Variants in AFF2 observed in about 807,000 individuals in gnomAD.
The protein encoded by AFF2 is AF4/FMR2 family member 2.
Under a neutral mutation model 76.9 loss-of-function variants are expected in AFF2, and 14 were observed. The observed-to-expected ratio is 0.18, with a 90% CI of 0.12 to 0.28. The LOEUF (loss-of-function observed/expected upper bound fraction) is 0.28. Among genes scored for constraint, AFF2 ranks in the 10% least tolerant of loss-of-function variants. AFF2 has a pLI of 1.00. For synonymous variants in AFF2, 398 were observed against 366.7 expected, an observed-to-expected ratio of 1.09 and a Z score of -0.98; for missense variants, 868 against 1,001.1, an observed-to-expected ratio of 0.87 and a Z score of 1.79.
intron 7 of AFF2, among the ~76,000 whole-genome samples, chrX:148,857,395 G>A (rs2070798439): frequency 1.8e-5 from 2 of 111,833 alleles, no homozygotes; most frequent in African/African-American, 6.5e-5. Context: ...ATTTAACTAA[G>A]TGGTATATTA....
At chrX:148,560,961 C>T (rs1315530794) in intron 1 of AFF2, among the ~76,000 whole-genome samples, 1 of 111,490 alleles carries the variant, frequency 9.0e-6, no homozygotes, top group Non-Finnish European at 1.9e-5. Context: ...GGTCATCCAT[C>T]AATACTTTCT....
At position 148,792,885 on chromosome X, in the gene AFF2, A is replaced by G. The variant is rs143948394; in HGVS notation, c.1042-16991A>G. Among the ~76,000 whole-genome samples the G allele has an allele frequency of 6.2e-3, 693 of 112,236 alleles. 4 individuals are homozygous for G. The highest frequency in any genetic ancestry group is 0.01 in the Non-Finnish European group (544 of 53,243). ...GACAGGAAATTTCCTACACTTTCAG[A>G]AACACAGCTCACAGACAACCTTAGG... On this transcript the variant is annotated intron_variant, in intron 3 of 20. Coordinates refer to ENST00000370460, the MANE Select transcript of AFF2 (RefSeq NM_002025.4).
At chrX:148,764,759 A>G (rs1557267570) in intron 3 of AFF2, among the ~76,000 whole-genome samples, 1 of 112,492 alleles carries the variant, frequency 8.9e-6, no homozygotes, top group Non-Finnish European at 1.9e-5. Context: ...AGATGTCTAA[A>G]GACTCTGTGA....
At chrX:148,704,952 C>G (rs1212188168) in intron 3 of AFF2, among the ~76,000 whole-genome samples, 6 of 111,107 alleles carry the variant, frequency 5.4e-5, no homozygotes, top group Non-Finnish European at 1.9e-5. Flanking sequence ...GAAGCAAGAG[C>G]TACCGTGCCC....
chrX:148,638,097 A>G (rs1293886179), intron 1 of AFF2, among the ~76,000 whole-genome samples: 1 of 111,456 alleles, frequency 9.0e-6, no homozygotes, highest in Non-Finnish European at 1.9e-5. Context: ...CCATAAAAGC[A>G]CAATTATGAT....
intron 3 of AFF2, among the ~76,000 whole-genome samples, chrX:148,785,382 C>T (rs1197051609): frequency 9.0e-6 from 1 of 111,602 alleles, no homozygotes; most frequent in Non-Finnish European, 1.9e-5. Flanking sequence ...ATTCTTATGG[C>T]TTATGTCAAT....
chrX:148,898,588 C>T (rs1467734716), intron 8 of AFF2, among the ~76,000 whole-genome samples: 12 of 111,795 alleles, frequency 1.1e-4, no homozygotes, highest in Non-Finnish European at 2.3e-4. Context: ...CAGACTCCCT[C>T]CTCTTCGGAG....
chrX:148,581,903 T>A (rs2053419134), intron 1 of AFF2, among the ~76,000 whole-genome samples: 1 of 112,271 alleles, frequency 8.9e-6, no homozygotes, highest in Admixed American at 9.4e-5. Context: ...GTTCCAATAA[T>A]GTCCTTTAGA....
rs139513947 is a variant in AFF2, at chrX:148,522,350, T to C, written c.47+21206T>C. On this transcript the variant is annotated intron_variant, in intron 1 of 20. Coordinates refer to ENST00000370460, the MANE Select transcript of AFF2 (RefSeq NM_002025.4). ...CTCTTGCCTCCAGTCCATCTGGTGATAGGGACAGTTTCACATTATATGTGT... is the reference window on the plus strand; with the variant it reads ...CTCTTGCCTCCAGTCCATCTGGTGACAGGGACAGTTTCACATTATATGTGT... Among the ~76,000 whole-genome samples the C allele has an allele frequency of 2.5e-4, 28 of 112,649 alleles. No homozygotes were observed. In the East Asian group the frequency reaches 5.3e-3, roughly 21 times the overall value.
At chrX:148,973,393 C>T (rs781791906) in intron 15 of AFF2, 78 bp from the exon 16 acceptor site, 3 of 1,138,836 alleles carry the variant, frequency 2.6e-6, no homozygotes, top group African/African-American at 3.6e-5. Flanking sequence ...GCAAAACTAC[C>T]CCCCAGTTTC....
chrX:148,954,862 A>C (rs1054070328), intron 10 of AFF2, among the ~76,000 whole-genome samples: 25 of 112,056 alleles, frequency 2.2e-4, no homozygotes, highest in Admixed American at 5.7e-4. Context: ...CATAAGCCTC[A>C]GCTGATGGCT....
intron 9 of AFF2, among the ~76,000 whole-genome samples, chrX:148,946,213 A>G (rs782417779): frequency 1.8e-5 from 2 of 112,473 alleles, no homozygotes; most frequent in Non-Finnish European, 3.8e-5. Flanking sequence ...GCCTCTCTGG[A>G]AGATGTAACC....
intron 1 of AFF2, among the ~76,000 whole-genome samples, chrX:148,589,931 G>A (rs1346634557): frequency 9.4e-6 from 1 of 106,000 alleles, no homozygotes; most frequent in East Asian, 3.0e-4. Flanking sequence ...CCTAGAAATG[G>A]AAGTAGGTAA....
intron 9 of AFF2, among the ~76,000 whole-genome samples, chrX:148,941,379 C>T (rs1367844600): frequency 8.9e-6 from 1 of 111,770 alleles, no homozygotes; most frequent in Non-Finnish European, 1.9e-5. Context: ...GAAAAATCAT[C>T]AACTAGAGAG....
intron 1 of AFF2, among the ~76,000 whole-genome samples, chrX:148,574,942 G>GT (rs1557243152): frequency 7.6e-5 from 5 of 65,945 alleles, no homozygotes; most frequent in Non-Finnish European, 1.0e-4. Context: ...CATAGTGCTG[G>GT]GGTGTGTGTG....
At position 148,563,686 on chromosome X, in the gene AFF2, TG is replaced by T. The variant is rs782231825; in HGVS notation, c.47+62544del. Among the ~76,000 whole-genome samples, 7 of 112,501 alleles carry T rather than the reference TG, an allele frequency of 6.2e-5. No individual in the cohort carries two copies. The Admixed American group carries it at 6.6e-4, about 11-fold the overall frequency. ...ATCTTTGCCAAGTAAGTTTTATCTC[TG>T]GTGAGACAACAGTAAAATAAAACTA... On this transcript the variant is annotated intron_variant, in intron 1 of 20. Transcript: ENST00000370460.
At chrX:148,674,185 T>A (rs1444827915) in intron 3 of AFF2, among the ~76,000 whole-genome samples, 1 of 112,203 alleles carries the variant, frequency 8.9e-6, no homozygotes, top group Non-Finnish European at 1.9e-5. Flanking sequence ...ATATCACATA[T>A]GTCCATGTGT....
chrX:148,694,116 C>A (rs2054685063), intron 3 of AFF2, among the ~76,000 whole-genome samples: 1 of 94,091 alleles, frequency 1.1e-5, no homozygotes, highest in Non-Finnish European at 2.0e-5. Context: ...GGGAACTGAA[C>A]AATGAGAACA....
At chrX:148,791,843 T>C (rs1052891879) in intron 3 of AFF2, among the ~76,000 whole-genome samples, 2 of 111,638 alleles carry the variant, frequency 1.8e-5, no homozygotes, top group Admixed American at 9.6e-5. Context: ...TATAACTTTA[T>C]GCTCATCAGA....
Sources: allele counts gnomAD v4.1 joint callset (sites outside exome capture counted in the v4.1 genomes callset), GRCh38; gene constraint gnomAD v4.1.1; transcripts MANE v1.5; gene names NCBI Gene and HGNC (gene_info 2026-07-23, HGNC 2026-07-21).